The following KIAA0930 variants were observed in gnomAD, a reference collection of about 807,000 sequenced individuals.
The protein encoded by KIAA0930 is KIAA0930, also known as uncharacterized protein KIAA0930.
In KIAA0930, 24 loss-of-function variants were observed where a neutral mutation model predicts 43.9. That is an observed-to-expected ratio of 0.55 (90% CI 0.40 to 0.77). The LOEUF (loss-of-function observed/expected upper bound fraction) is 0.77. Ranked by LOEUF, KIAA0930 falls within the 30% of genes least tolerant of loss-of-function variation. The probability of loss-of-function intolerance (pLI) is 0.00; values close to 1 mark genes in which losing one functional copy is unlikely to be tolerated. For missense variants in KIAA0930, 461 were observed against 574.2 expected, an observed-to-expected ratio of 0.80 and a Z score of 2.02; for synonymous variants, 259 against 216.4, an observed-to-expected ratio of 1.20 and a Z score of -1.73.
chr22:45,234,372 G>A (rs1036095664), intron 1 of KIAA0930, among the ~76,000 whole-genome samples: 2 of 152,222 alleles, frequency 1.3e-5, no homozygotes, highest in South Asian at 2.1e-4. Context: ...AGAAGACAAG[G>A]TTGGAGGATC....
intron 2 of KIAA0930, among the ~76,000 whole-genome samples, chr22:45,208,976 C>T (rs2083667067): frequency 6.6e-6 from 1 of 152,234 alleles, no homozygotes; most frequent in Non-Finnish European, 1.5e-5. Flanking sequence ...GCCAAAGGCA[C>T]ACAATGGGCT....
Position 45,193,502 on chromosome 22 carries a change from A to T in KIAA0930, c.*3674T>A, listed in dbSNP as rs903182981. The stretch of plus-strand genomic sequence containing the variant: ...TATTTATGATTAAAACAGCAAAAAC[A>T]GATCCTGGTTTGAGTGCAGGTACAT... On this transcript the variant is annotated 3_prime_UTR_variant, in exon 10 of 10. Transcript: ENST00000336156. 6.6e-6 allele frequency: 1 copy of T among 152,240 alleles called. No homozygotes were observed. The highest frequency in any genetic ancestry group is 1.5e-5 in the Non-Finnish European group (1 of 68,048). 9.4% of individuals were successfully genotyped at this position (152,240 alleles called of 1,614,324 possible). A position where few individuals can be genotyped will look rare whatever the true frequency, so the allele number is the denominator to read the frequency against.
intron 7 of KIAA0930, chr22:45,202,544 T>C (rs141472442): frequency 0.014 from 2,247 of 157,322 alleles, 28 homozygotes; most frequent in Non-Finnish European, 0.02. Flanking sequence ...TCAGTCACCA[T>C]CATCCCCATC....
intron 1 of KIAA0930, among the ~76,000 whole-genome samples, chr22:45,230,674 C>T (rs140902338): frequency 0.034 from 5,122 of 151,612 alleles, 117 homozygotes; most frequent in African/African-American, 0.052. Flanking sequence ...CTCCGCCTCC[C>T]GGGTTCATGC....
rs1353501460 is a variant in KIAA0930, at chr22:45,216,141, AG to A, written c.65-4035del. Among the ~76,000 whole-genome samples the A allele has an allele frequency of 2.6e-5, 4 of 152,330 alleles. No homozygotes were observed. In the East Asian group the frequency reaches 7.7e-4, roughly 29 times the overall value. On this transcript the variant is annotated intron_variant, in intron 1 of 9. Coordinates refer to ENST00000336156, the MANE Select transcript of KIAA0930 (RefSeq NM_001009880.2). ...ACACTCCACATCCAAGAGCCAGGAA[AG>A]GTCGGGACTGGAGGGATATCTCTGA...
chr22:45,217,849 C>G (rs1011331402), intron 1 of KIAA0930, among the ~76,000 whole-genome samples: 7 of 110,254 alleles, frequency 6.3e-5, no homozygotes, highest in Admixed American at 8.1e-5. Flanking sequence ...CAGCTGTCTC[C>G]CCTGCCTCAA....
At chr22:45,200,773 G>A (rs575464663) in intron 7 of KIAA0930, among the ~76,000 whole-genome samples, 1 of 152,348 alleles carries the variant, frequency 6.6e-6, no homozygotes, top group Non-Finnish European at 1.5e-5. Context: ...ACAGTCTGCT[G>A]GGGTGACAGA....
In KIAA0930 at chr22:45,197,152, G is replaced by A. The variant is rs1474354206; in HGVS notation, c.*24C>T. 3 of 1,538,994 alleles carry A rather than the reference G, an allele frequency of 1.9e-6. No individual in the cohort carries two copies. The East Asian group carries it at 7.5e-5, about 38-fold the overall frequency. On this transcript the variant is annotated 3_prime_UTR_variant, in exon 10 of 10. Coordinates refer to ENST00000336156, the MANE Select transcript of KIAA0930 (RefSeq NM_001009880.2). ...ACTCCGAGGGCTGGGCCCGGCCGGGGCTCTGCGCAGGCTCCGCACGCGGCT... is the reference window on the plus strand; with the variant it reads ...ACTCCGAGGGCTGGGCCCGGCCGGGACTCTGCGCAGGCTCCGCACGCGGCT...
rs143231767 is a variant in KIAA0930, at chr22:45,220,933, G to A, written c.65-8826C>T. On this transcript the variant is annotated intron_variant, in intron 1 of 9. Transcript: ENST00000336156. Reference sequence around the variant, plus strand: ...ACACTGCTTCCACCTTGTGCTAAGCGTCCCCATCCTGGCCTGTATCACCAT... The same window carrying A: ...ACACTGCTTCCACCTTGTGCTAAGCATCCCCATCCTGGCCTGTATCACCAT... Among the ~76,000 whole-genome samples, 985 of 146,158 alleles carry A rather than the reference G, an allele frequency of 6.7e-3. 9 individuals are homozygous for A. Among genetic ancestry groups the A allele is most frequent in the African/African-American group, 0.023 (913 of 39,436 alleles).
At chr22:45,225,977 AG>A (rs1371178859) in intron 1 of KIAA0930, among the ~76,000 whole-genome samples, 3 of 152,188 alleles carry the variant, frequency 2.0e-5, no homozygotes, top group Non-Finnish European at 2.9e-5. Flanking sequence ...TCCACACTGC[AG>A]GCTTGTCACA....
chr22:45,215,268 T>G (rs374925512), intron 1 of KIAA0930, among the ~76,000 whole-genome samples: 21 of 152,330 alleles, frequency 1.4e-4, no homozygotes, highest in South Asian at 8.3e-4. Context: ...CTGTTTAGTC[T>G]ACATATATGC....
At chr22:45,220,010 A>AC (rs1378879252) in intron 1 of KIAA0930, among the ~76,000 whole-genome samples, 2 of 152,138 alleles carry the variant, frequency 1.3e-5, no homozygotes, top group African/African-American at 4.8e-5. Context: ...ACAAGGAGGC[A>AC]CAGTATTGAT....
At chr22:45,215,973 A>G (rs947700591) in intron 1 of KIAA0930, among the ~76,000 whole-genome samples, 3 of 151,834 alleles carry the variant, frequency 2.0e-5, no homozygotes, top group Non-Finnish European at 2.9e-5. Flanking sequence ...GCCTGCAGTG[A>G]GCCGAGATCG....
intron 7 of KIAA0930, among the ~76,000 whole-genome samples, chr22:45,202,398 C>G (rs143168909): frequency 6.6e-6 from 1 of 152,382 alleles, no homozygotes; most frequent in East Asian, 1.9e-4. Context: ...CCCAAGAGAC[C>G]TTGTGACCTG....
intron 1 of KIAA0930, chr22:45,235,543 G>GCCCCAAGGAGC (rs1569086601): frequency 6.6e-5 from 10 of 151,512 alleles, no homozygotes; most frequent in Non-Finnish European, 1.5e-5. Context: ...GGGGTTGGAG[G>GCCCCAAGGAGC]GCCCCAAGGA....
At chr22:45,202,782 G>A (rs762713218) in intron 7 of KIAA0930, 18 of 510,206 alleles carry the variant, frequency 3.5e-5, no homozygotes, top group Non-Finnish European at 5.2e-5. Flanking sequence ...AGGCAGGAAC[G>A]CCTCCCCTGC....
intron 1 of KIAA0930, among the ~76,000 whole-genome samples, chr22:45,217,995 C>A (rs1406675813): frequency 1.3e-5 from 2 of 152,142 alleles, no homozygotes; most frequent in African/African-American, 4.8e-5. Context: ...CGTCCACACC[C>A]CAGTGCGGTG....
In KIAA0930 at chr22:45,193,297, T is replaced by C. The variant is rs202166045; in HGVS notation, c.*3879A>G. ...GAAACCTGTTAAGTTCGCTAAAAAGTTGGCAGATGTTTCGTATGTCTTTAA... is the reference window on the plus strand; with the variant it reads ...GAAACCTGTTAAGTTCGCTAAAAAGCTGGCAGATGTTTCGTATGTCTTTAA... On this transcript the variant is annotated 3_prime_UTR_variant, in exon 10 of 10. Transcript: ENST00000336156. 5 of 151,966 alleles carry C rather than the reference T, an allele frequency of 3.3e-5. No individual in the cohort carries two copies. The highest frequency in any genetic ancestry group is 1.2e-4 in the African/African-American group (5 of 41,228). The allele number at this position is 151,966 out of a possible 1,614,324, so 9.4% of individuals were successfully genotyped here.
chr22:45,221,487 A>G (rs756376292), intron 1 of KIAA0930, among the ~76,000 whole-genome samples: 1 of 152,258 alleles, frequency 6.6e-6, no homozygotes, highest in Non-Finnish European at 1.5e-5. Flanking sequence ...GTTTTCACGC[A>G]GATGCCCTAC....
Sources: allele counts gnomAD v4.1 joint callset (sites outside exome capture counted in the v4.1 genomes callset), GRCh38; gene constraint gnomAD v4.1.1; transcripts MANE v1.5; gene names NCBI Gene and HGNC (gene_info 2026-07-23, HGNC 2026-07-21).